The following SLC25A20 variants were observed in gnomAD, a reference collection of about 807,000 sequenced individuals.
SLC25A20 encodes solute carrier family 25 member 20.
A neutral mutation model predicts 39.7 loss-of-function variants in SLC25A20; 29 were observed. That is an observed-to-expected ratio of 0.73 (90% CI 0.54 to 1.00). The LOEUF (loss-of-function observed/expected upper bound fraction) is 1.00, where lower values mean the gene tolerates loss of function less well. SLC25A20 is among the 50% of genes least tolerant of loss of function. The pLI, the probability that SLC25A20 is intolerant of heterozygous loss-of-function variation, is 0.00. For synonymous variants in SLC25A20, 103 were observed against 142.2 expected (o/e 0.72, Z 1.96); for missense variants, 333 against 379.9 (o/e 0.88, Z 1.03).
At chr3:48,898,447 C>T (rs2083925502) in intron 1 of SLC25A20, among the ~76,000 whole-genome samples, 1 of 152,248 alleles carries the variant, frequency 6.6e-6, no homozygotes, top group African/African-American at 2.4e-5. Context: ...GACTGCGGGA[C>T]AGGGAACTTT....
At position 48,862,398 on chromosome 3, in the gene SLC25A20, G is replaced by C. The variant is rs778677092; in HGVS notation, c.535+144C>G. 11 of 717,590 alleles carry C rather than the reference G, an allele frequency of 1.5e-5. No individual in the cohort carries two copies. The Admixed American group carries it at 2.1e-4, about 14-fold the overall frequency. The allele number at this position is 717,590 out of a possible 1,614,324, so 44.5% of individuals were successfully genotyped here. On this transcript the variant is annotated intron_variant, in intron 5 of 8. Coordinates refer to ENST00000319017, the MANE Select transcript of SLC25A20 (RefSeq NM_000387.6). ...CCTAATCTACGTCCATGCTGGCCAG[G>C]GGGAGATGCTTACTGCCAGTATTGT...
chr3:48,884,075 G>A lies in SLC25A20; in HGVS notation c.248C>T (p.Thr83Ile). Reference sequence around the variant, plus strand: ...AAAGAAGCACACGGCAAACATGGGAGTGACCCCGATGATAGGGGCAGCCAT... The same window carrying A: ...AAAGAAGCACACGGCAAACATGGGAATGACCCCGATGATAGGGGCAGCCAT... Reference protein sequence around the residue: ...RGMAAPIIGVTPMFAVCFFGF... With the variant: ...RGMAAPIIGVIPMFAVCFFGF... Residue 83 changes from threonine to isoleucine, a missense_variant, in exon 3 of 9, where the codon ACT (threonine) becomes ATT (isoleucine). Physicochemically the swap from Thr to Ile is moderately conservative, Grantham distance 89. Coordinates refer to ENST00000319017, the MANE Select transcript of SLC25A20 (RefSeq NM_000387.6). The A allele has an allele frequency of 2.5e-6, 4 of 1,613,946 alleles. No individual in the cohort carries two copies. Among genetic ancestry groups the A allele is most frequent in the Non-Finnish European group, 3.4e-6 (4 of 1,179,888 alleles).
chr3:48,883,922 C>T, intron 3 of SLC25A20, 75 bp downstream of exon 3: 1 of 1,581,536 alleles, frequency 6.3e-7, no homozygotes, highest in Non-Finnish European at 8.6e-7. Flanking sequence ...CCGCGCCCTG[C>T]CCAAGTTTCT....
At chr3:48,867,890 G>A (rs574456871) in intron 4 of SLC25A20, among the ~76,000 whole-genome samples, 54 of 151,480 alleles carry the variant, frequency 3.6e-4, no homozygotes, top group East Asian at 6.0e-4. Flanking sequence ...GAGAAACCCC[G>A]TCTCTACTAA....
At chr3:48,888,903 G>A (rs1019695197) in intron 2 of SLC25A20, among the ~76,000 whole-genome samples, 1 of 151,836 alleles carries the variant, frequency 6.6e-6, no homozygotes, top group African/African-American at 2.4e-5. Context: ...TGGTTAACAT[G>A]GTGAAACCCT....
intron 4 of SLC25A20, among the ~76,000 whole-genome samples, chr3:48,866,591 A>G (rs1575981608): frequency 6.6e-6 from 1 of 151,988 alleles, no homozygotes; most frequent in East Asian, 1.9e-4. Context: ...AACAAGAAAC[A>G]ACTTTTTCAA....
Position 48,858,640 on chromosome 3 carries a change from C to A in SLC25A20, c.719-9G>T. On this transcript the variant is annotated splice_polypyrimidine_tract_variant and intron_variant, in intron 7 of 8. Coordinates refer to ENST00000319017, the MANE Select transcript of SLC25A20 (RefSeq NM_000387.6). ...ATATTTCCCAGGAGGTGCTGTGGGG[C>A]AGAACCCAATTTTTAAGGCTTCAGG... 1 of 1,614,122 alleles carries A rather than the reference C, an allele frequency of 6.2e-7. No homozygotes were observed. The highest frequency in any genetic ancestry group is 1.1e-5 in the South Asian group (1 of 91,086).
At chr3:48,897,230 T>C (rs2106671023) in intron 1 of SLC25A20, among the ~76,000 whole-genome samples, 1 of 151,370 alleles carries the variant, frequency 6.6e-6, no homozygotes, top group Non-Finnish European at 1.5e-5. Flanking sequence ...TTGCTAAATA[T>C]GCCAGTGAGC....
intron 2 of SLC25A20, among the ~76,000 whole-genome samples, chr3:48,885,174 G>C (rs1478076290): frequency 6.6e-6 from 1 of 152,014 alleles, no homozygotes; most frequent in African/African-American, 2.4e-5. Flanking sequence ...AGGAGGCTGA[G>C]TTGGGAGAAT....
intron 5 of SLC25A20, 136 bp from the exon 6 acceptor site, chr3:48,859,763 T>C: frequency 1.4e-6 from 1 of 705,490 alleles, no homozygotes. Context: ...GCGCTTGGCC[T>C]GAATTATTAG....
At chr3:48,883,616 T>TC (rs1435462956) in intron 3 of SLC25A20, among the ~76,000 whole-genome samples, 194 of 116,666 alleles carry the variant, frequency 1.7e-3, no homozygotes, top group Non-Finnish European at 2.8e-3. Context: ...CCCACCAAGG[T>TC]CCTTTTTTTT....
chr3:48,898,632 T>A, intron 1 of SLC25A20, 58 bp downstream of exon 1: 1 of 1,488,620 alleles, frequency 6.7e-7, no homozygotes, highest in Non-Finnish European at 9.2e-7. Context: ...CGGGGGACCA[T>A]GCTTTCCGCG....
intron 4 of SLC25A20, among the ~76,000 whole-genome samples, chr3:48,871,221 T>A (rs1273123815): frequency 6.6e-6 from 1 of 152,102 alleles, no homozygotes; most frequent in Non-Finnish European, 1.5e-5. Context: ...CGAATTGATC[T>A]GTACGTTTAA....
rs545602460 is a variant in SLC25A20 at position 48,860,041 on chromosome 3, G to A, written c.536-414C>T. ...AAATGGGCCGGGCATAGTGGCTCATGCCTTTAATCCCAGCACTTCGGGAGG... is the reference window on the plus strand; with the variant it reads ...AAATGGGCCGGGCATAGTGGCTCATACCTTTAATCCCAGCACTTCGGGAGG... On this transcript the variant is annotated intron_variant, in intron 5 of 8. Coordinates refer to ENST00000319017, the MANE Select transcript of SLC25A20 (RefSeq NM_000387.6). Among the ~76,000 whole-genome samples, 6 of 152,282 alleles carry A rather than the reference G, an allele frequency of 3.9e-5. No homozygotes were observed. In the East Asian group the frequency reaches 9.7e-4, roughly 25 times the overall value.
At chr3:48,894,651 G>T (rs2083900169) in intron 1 of SLC25A20, among the ~76,000 whole-genome samples, 2 of 151,444 alleles carry the variant, frequency 1.3e-5, no homozygotes, top group African/African-American at 4.9e-5. Context: ...TTTGAGACAA[G>T]GTCTTGCTCT....
intron 1 of SLC25A20, among the ~76,000 whole-genome samples, chr3:48,897,367 A>ATATTT (rs1256371148): frequency 6.9e-4 from 58 of 83,718 alleles, no homozygotes; most frequent in East Asian, 3.4e-3. Flanking sequence ...ATATATATAT[A>ATATTT]TTTTTTTTTT....
chr3:48,863,176 A>T (rs923965534), intron 4 of SLC25A20, among the ~76,000 whole-genome samples: 4 of 152,240 alleles, frequency 2.6e-5, no homozygotes, highest in Non-Finnish European at 4.4e-5. Flanking sequence ...CCTGGGCAGC[A>T]GAGTGAGACT....
At chr3:48,881,710 T>A (rs911094078) in intron 3 of SLC25A20, among the ~76,000 whole-genome samples, 1 of 151,994 alleles carries the variant, frequency 6.6e-6, no homozygotes, top group Non-Finnish European at 1.5e-5. Context: ...CAGCCCATAG[T>A]CCAAAGTACC....
intron 3 of SLC25A20, among the ~76,000 whole-genome samples, chr3:48,880,519 C>T (rs532802308): frequency 6.6e-6 from 1 of 151,352 alleles, no homozygotes; most frequent in South Asian, 2.1e-4. Flanking sequence ...TCAAGTGATC[C>T]ACCCACTTCG....
Sources: gnomAD v4.1 joint callset for allele counts (sites outside exome capture counted in the v4.1 genomes callset) on GRCh38, gnomAD v4.1.1 for gene constraint, MANE v1.5 for transcripts, NCBI Gene and HGNC (gene_info 2026-07-23, HGNC 2026-07-21) for gene names.